TRAPPC3L: variants seen among roughly 807,000 people sequenced by gnomAD.
TRAPPC3L encodes the protein trafficking protein particle complex subunit 3L.
In TRAPPC3L, 23 loss-of-function variants were observed where a neutral mutation model predicts 23.7. That is an observed-to-expected ratio of 0.97 (90% confidence interval 0.70 to 1.37). The LOEUF is 1.37. Among genes scored for constraint, TRAPPC3L ranks in the 40% most tolerant of loss-of-function variants. The pLI is 0.00. For synonymous variants in TRAPPC3L, 81 were observed against 77.9 expected, an observed-to-expected ratio of 1.04 and a Z score of -0.21; for missense variants, 212 against 216.8, an observed-to-expected ratio of 0.98 and a Z score of 0.14.
chr6:116,538,974 A>G (rs1195191755), intron 3 of TRAPPC3L, among the ~76,000 whole-genome samples: 1 of 152,058 alleles, frequency 6.6e-6, no homozygotes, highest in African/African-American at 2.4e-5. Context: ...CCTGAGCTCA[A>G]GTGATTTGCC....
intron 1 of TRAPPC3L, among the ~76,000 whole-genome samples, chr6:116,544,256 A>G (rs951452944): frequency 6.6e-6 from 1 of 151,914 alleles, no homozygotes; most frequent in African/African-American, 2.4e-5. Context: ...ATCATACCCT[A>G]CCTACATGCC....
At chr6:116,531,259 T>C (rs1443201821) in intron 3 of TRAPPC3L, among the ~76,000 whole-genome samples, 3 of 151,616 alleles carry the variant, frequency 2.0e-5, no homozygotes, top group Non-Finnish European at 4.4e-5. Context: ...ATGAAACACA[T>C]AGAGAAAGTC....
At chr6:116,502,155 A>G (rs1301979571) in intron 3 of TRAPPC3L, among the ~76,000 whole-genome samples, 1 of 152,236 alleles carries the variant, frequency 6.6e-6, no homozygotes, top group Admixed American at 6.5e-5. Flanking sequence ...GCTAACTAGA[A>G]TAACCAGTGT....
rs144979161 is a variant in TRAPPC3L, at chr6:116,511,587, T to C, written c.241-10921A>G. On this transcript the variant is annotated intron_variant, in intron 3 of 4. Transcript: ENST00000368602. ...TGTTTCCTTATCTGGCTCAATTCAG[T>C]CTGAGAAGGACTGTTGTTTCTGATG... 5.2e-6 allele frequency: 5 copies of C among 956,220 alleles called. No individual in the cohort carries two copies. In the African/African-American group the frequency reaches 6.6e-5, roughly 13 times the overall value. The allele number at this position is 956,220 out of a possible 1,614,324, so 59.2% of individuals were successfully genotyped here.
At chr6:116,522,846 A>G (rs1772370451) in intron 3 of TRAPPC3L, 1 of 152,112 alleles carries the variant, frequency 6.6e-6, no homozygotes, top group African/African-American at 2.4e-5. Flanking sequence ...ATCAGACAGT[A>G]TCTAAAACCT....
At chr6:116,524,789 C>T (rs1211974527) in intron 3 of TRAPPC3L, 1 of 152,026 alleles carries the variant, frequency 6.6e-6, no homozygotes, top group Non-Finnish European at 1.5e-5. Flanking sequence ...AAATTTTCAA[C>T]TTATTTTCCT....
At chr6:116,537,023 T>G (rs1773138624) in intron 3 of TRAPPC3L, among the ~76,000 whole-genome samples, 1 of 152,218 alleles carries the variant, frequency 6.6e-6, no homozygotes, top group Admixed American at 6.5e-5. Context: ...AAAGTGCTCC[T>G]GAAATGGGTG....
chr6:116,511,155 A>G lies in TRAPPC3L; in HGVS notation c.241-10489T>C, dbSNP rs1772109453. Among the ~76,000 whole-genome samples, 13 of 145,908 alleles carry G rather than the reference A, an allele frequency of 8.9e-5. No homozygotes were observed. In the South Asian group the frequency reaches 2.8e-3, roughly 31 times the overall value. ...ATATGTATATTTCATCCATGTAACC[A>G]AAACCCACTTGTGCTCCAAAAGCTA... On this transcript the variant is annotated intron_variant, in intron 3 of 4. Coordinates refer to ENST00000368602, the MANE Select transcript of TRAPPC3L (RefSeq NM_001139444.3).
intron 3 of TRAPPC3L, among the ~76,000 whole-genome samples, chr6:116,509,440 A>T (rs9488950): frequency 0.011 from 1,606 of 152,342 alleles, 32 homozygotes; most frequent in African/African-American, 0.036. Flanking sequence ...ACCTGACTTC[A>T]AATTATACTA....
At chr6:116,508,819 A>G (rs954035218) in intron 3 of TRAPPC3L, among the ~76,000 whole-genome samples, 9 of 152,182 alleles carry the variant, frequency 5.9e-5, no homozygotes, top group African/African-American at 2.2e-4. Context: ...CAGTGCTATT[A>G]ATAGAAATCC....
At chr6:116,497,866 G>T (rs1771856231) in intron 4 of TRAPPC3L, among the ~76,000 whole-genome samples, 1 of 152,150 alleles carries the variant, frequency 6.6e-6, no homozygotes. Context: ...CATGTAGCAG[G>T]CAATTAATTG....
chr6:116,511,106 G>GTATA (rs59896067), intron 3 of TRAPPC3L, among the ~76,000 whole-genome samples: 51,836 of 140,542 alleles, frequency 0.37, 10,935 homozygotes, highest in East Asian at 0.55. Context: ...ATATATATAT[G>GTATA]TATATATATA....
At chr6:116,512,193 C>A (rs1352034946) in intron 3 of TRAPPC3L, 5 of 1,608,010 alleles carry the variant, frequency 3.1e-6, no homozygotes, top group Non-Finnish European at 3.4e-6. Flanking sequence ...ATGCTACCTA[C>A]CGTCAATGAA....
intron 3 of TRAPPC3L, among the ~76,000 whole-genome samples, chr6:116,538,688 T>C (rs2115227122): frequency 6.6e-6 from 1 of 152,214 alleles, no homozygotes; most frequent in Non-Finnish European, 1.5e-5. Flanking sequence ...TGGTCAATGC[T>C]CTACCGCCTT....
intron 3 of TRAPPC3L, chr6:116,522,720 C>CA (rs1331051121): frequency 2.6e-5 from 4 of 152,156 alleles, no homozygotes; most frequent in Non-Finnish European, 5.9e-5. Flanking sequence ...GTGAGGGTTT[C>CA]AGACTAGGCT....
In TRAPPC3L at chr6:116,543,325, CA is replaced by C. The variant is rs760814174; in HGVS notation, c.117del (p.Asp39GlufsTer2). ...TACATTTTATCTAAATATTGGTTCA[CA>C]TCTTCATCCTTCTCATAATCCTTAC... ...QLCKDYEKDE[D>X]VNQYLDKMGY... On this transcript the variant is annotated frameshift_variant, in exon 2 of 5. Transcript: ENST00000368602. LOFTEE classifies it high-confidence loss of function. The C allele has an allele frequency of 6.5e-6, 10 of 1,549,424 alleles. No individual in the cohort carries two copies. Among genetic ancestry groups the C allele is most frequent in the Middle Eastern group, 3.3e-4 (2 of 5,972 alleles).
chr6:116,512,155 T>C, intron 3 of TRAPPC3L: 1 of 1,613,226 alleles, frequency 6.2e-7, no homozygotes, highest in Middle Eastern at 1.7e-4. Context: ...GGGAAGAACT[T>C]CACAAAGTAT....
At chr6:116,534,170 C>T (rs1772928068) in intron 3 of TRAPPC3L, among the ~76,000 whole-genome samples, 1 of 152,000 alleles carries the variant, frequency 6.6e-6, no homozygotes, top group Non-Finnish European at 1.5e-5. Flanking sequence ...GTTTTATATT[C>T]AACCTTTCAT....
chr6:116,540,434 C>A lies in TRAPPC3L; in HGVS notation c.169G>T (p.Glu57Ter). 1.3e-6 allele frequency: 2 copies of A among 1,551,306 alleles called. No homozygotes were observed. The highest frequency in any genetic ancestry group is 1.7e-6 in the Non-Finnish European group (2 of 1,146,744). Residue 57 changes from glutamate to a stop codon, truncating the protein, a stop_gained, in exon 3 of 5, where the codon GAA becomes TAA. Coordinates refer to ENST00000368602, the MANE Select transcript of TRAPPC3L (RefSeq NM_001139444.3). LOFTEE classifies it high-confidence loss of function. The part of the protein sequence containing the change: ...MGYGIGTRLV[E>*]DFLARSCVGR... Reference sequence around the variant, plus strand: ...ACGCAGGATCGAGCCAAAAAGTCTTCCACAAGCCGCGTTCCAATGCCGTAA... The same window carrying A: ...ACGCAGGATCGAGCCAAAAAGTCTTACACAAGCCGCGTTCCAATGCCGTAA...
Sources: allele counts gnomAD v4.1 joint callset (sites outside exome capture counted in the v4.1 genomes callset), GRCh38; gene constraint gnomAD v4.1.1; transcripts MANE v1.5; gene names NCBI Gene and HGNC (gene_info 2026-07-23, HGNC 2026-07-21).